The following DPCD variants were observed in gnomAD, a reference collection of about 807,000 sequenced individuals.
DPCD encodes deleted in primary ciliary dyskinesia homolog (mouse), also known as protein DPCD.
DPCD carries 20 observed loss-of-function variants against 26.4 expected under a neutral mutation model. The observed-to-expected ratio is 0.76, with a 90% CI of 0.53 to 1.10. The LOEUF is 1.10. DPCD is among the 50% of genes least tolerant of loss of function. DPCD has a pLI of 0.00. For synonymous variants in DPCD, 97 were observed against 94.2 expected (o/e 1.03, Z -0.17); for missense variants, 202 against 253.9 (o/e 0.80, Z 1.39).
In DPCD at chr10:101,609,503, G is replaced by A. The variant is rs750386141; in HGVS notation, c.*32G>A. 1 of 1,599,120 alleles carries A rather than the reference G, an allele frequency of 6.3e-7. No homozygotes were observed. The highest frequency in any genetic ancestry group is 8.6e-7 in the Non-Finnish European group (1 of 1,169,578). ...CCTGAGCCTTATACCTCCACCACAG[G>A]GGGTGCCGTGAGACTTCAAGGCTTG... On this transcript the variant is annotated 3_prime_UTR_variant, in exon 6 of 6. Transcript: ENST00000370151.
intron 2 of DPCD, among the ~76,000 whole-genome samples, chr10:101,599,810 C>G (rs1441372284): frequency 1.3e-5 from 2 of 152,314 alleles, no homozygotes; most frequent in East Asian, 3.9e-4. Context: ...AGCTGGGCTC[C>G]TCAGGCTGGA....
Position 101,600,888 on chromosome 10 carries a change from G to T in DPCD, c.270+26G>T, listed in dbSNP as rs771159961. 1 of 1,613,742 alleles carries T rather than the reference G, an allele frequency of 6.2e-7. No homozygotes were observed. Among genetic ancestry groups the T allele is most frequent in the Non-Finnish European group, 8.5e-7 (1 of 1,179,922 alleles). ...GTACGTCCATCTGTCCAGGTGTCTT[G>T]CACGGACTGAGGTGGGGGTGGGCTG... On this transcript the variant is annotated intron_variant, in intron 3 of 5. Coordinates refer to ENST00000370151, the MANE Select transcript of DPCD (RefSeq NM_015448.3). This position sits in a 1 kb window ranked among gnomAD's most constrained non-coding sequence, Gnocchi z 4.7.
At chr10:101,599,693 C>T (rs2063678252) in intron 2 of DPCD, among the ~76,000 whole-genome samples, 1 of 152,190 alleles carries the variant, frequency 6.6e-6, no homozygotes, top group African/African-American at 2.4e-5. Context: ...GCTCTCAACT[C>T]CTACCTGGAA....
intron 2 of DPCD, among the ~76,000 whole-genome samples, chr10:101,598,481 T>C (rs2063669256): frequency 6.6e-6 from 1 of 152,158 alleles, no homozygotes; most frequent in Non-Finnish European, 1.5e-5. Context: ...ATTTGTAAGA[T>C]TGTCTCCTTG....
At chr10:101,593,781 G>A (rs1486575596) in intron 1 of DPCD, among the ~76,000 whole-genome samples, 1 of 152,054 alleles carries the variant, frequency 6.6e-6, no homozygotes, top group Non-Finnish European at 1.5e-5. Flanking sequence ...AGTAGAGATG[G>A]GGTTTCACCA....
intron 1 of DPCD, among the ~76,000 whole-genome samples, chr10:101,589,541 G>A (rs1549069): frequency 2.0e-5 from 3 of 152,102 alleles, no homozygotes; most frequent in Non-Finnish European, 4.4e-5. Context: ...TCAGGAGTTC[G>A]AGACCAGCTT....
At chr10:101,608,164 C>T (rs2063745948) in intron 4 of DPCD, among the ~76,000 whole-genome samples, 1 of 152,002 alleles carries the variant, frequency 6.6e-6, no homozygotes, top group South Asian at 2.1e-4. Flanking sequence ...TGATAAGGAC[C>T]ATGTGTGATA....
Position 101,600,716 on chromosome 10 carries a change from C to A in DPCD, c.146-22C>A. On this transcript the variant is annotated intron_variant, in intron 2 of 5. Coordinates refer to ENST00000370151, the MANE Select transcript of DPCD (RefSeq NM_015448.3). The surrounding 1 kb of genome is among the most constrained non-coding windows in gnomAD (Gnocchi z 4.7). ...TCATCCTGATGCTTGCTTCTCATCC[C>A]GATGCTTGCTTCTCTCCCCAGTGAG... is the stretch of plus-strand genomic sequence containing the variant. 6.3e-7 allele frequency: 1 copy of A among 1,586,016 alleles called. No individual in the cohort carries two copies. Among genetic ancestry groups the A allele is most frequent in the Non-Finnish European group, 8.6e-7 (1 of 1,162,574 alleles).
rs576911865 is a variant in DPCD, at chr10:101,600,530, A to C, written c.146-208A>C. ...ATGAGATGCGCTTTGAGGGTTGTCT[A>C]ATGTTGAAATGCTCTACTGAAATTT... On this transcript the variant is annotated intron_variant, in intron 2 of 5. Coordinates refer to ENST00000370151, the MANE Select transcript of DPCD (RefSeq NM_015448.3). The surrounding 1 kb of genome is among the most constrained non-coding windows in gnomAD (Gnocchi z 4.7). Among the ~76,000 whole-genome samples the C allele has an allele frequency of 6.6e-6, 1 of 152,102 alleles. No individual in the cohort carries two copies. Among genetic ancestry groups the C allele is most frequent in the Non-Finnish European group, 1.5e-5 (1 of 68,022 alleles).
chr10:101,593,178 C>T (rs2063624683), intron 1 of DPCD, among the ~76,000 whole-genome samples: 1 of 152,168 alleles, frequency 6.6e-6, no homozygotes, highest in South Asian at 2.1e-4. Context: ...GATGGTCAGG[C>T]AAGACCCCCT....
At chr10:101,590,300 G>A (rs528157841) in intron 1 of DPCD, among the ~76,000 whole-genome samples, 2 of 152,190 alleles carry the variant, frequency 1.3e-5, no homozygotes, top group East Asian at 1.9e-4. Context: ...GAATAAAAAG[G>A]TCCCTTTTCT....
intron 4 of DPCD, among the ~76,000 whole-genome samples, chr10:101,602,699 A>G (rs577566470): frequency 1.3e-5 from 2 of 152,348 alleles, no homozygotes; most frequent in South Asian, 4.1e-4. Context: ...AACAAACTCC[A>G]TGCTTCAGCA....
At position 101,600,891 on chromosome 10, in the gene DPCD, C is replaced by T. The variant is rs377516854; in HGVS notation, c.270+29C>T. 1.1e-4 allele frequency: 185 copies of T among 1,612,146 alleles called. No homozygotes were observed. Among genetic ancestry groups the T allele is most frequent in the African/African-American group, 9.7e-4 (73 of 74,958 alleles). The stretch of plus-strand genomic sequence containing the variant: ...CGTCCATCTGTCCAGGTGTCTTGCA[C>T]GGACTGAGGTGGGGGTGGGCTGTGG... On this transcript the variant is annotated intron_variant, in intron 3 of 5. Coordinates refer to ENST00000370151, the MANE Select transcript of DPCD (RefSeq NM_015448.3). This position sits in a 1 kb window ranked among gnomAD's most constrained non-coding sequence, Gnocchi z 4.7.
chr10:101,605,261 C>T, intron 4 of DPCD: 1 of 1,544,760 alleles, frequency 6.5e-7, no homozygotes, highest in Non-Finnish European at 8.7e-7. Context: ...CCTGCTCCTG[C>T]CTTCAGCCTC....
Position 101,600,851 on chromosome 10 carries a change from A to G in DPCD, c.259A>G (p.Ser87Gly). Residue 87 changes from serine (S) to glycine (G), a missense_variant, in exon 3 of 6, where the codon AGC (serine) becomes GGC (glycine). Ser to Gly is a moderately conservative substitution (Grantham distance 56, BLOSUM62 0). Transcript: ENST00000370151. This position sits in a 1 kb window ranked among gnomAD's most constrained non-coding sequence, Gnocchi z 4.7. ...GNLGPELIKESNANPIFMRKD... is the reference protein window; with the variant it reads ...GNLGPELIKEGNANPIFMRKD... ...CCTGGGGCCTGAACTCATCAAGGAA[A>G]GCAATGCCAATGTACGTCCATCTGT... 1 of 1,614,034 alleles carries G rather than the reference A, an allele frequency of 6.2e-7. No individual in the cohort carries two copies. The highest frequency in any genetic ancestry group is 8.5e-7 in the Non-Finnish European group (1 of 1,179,996).
Position 101,600,514 on chromosome 10 carries a change from G to A in DPCD, c.146-224G>A, listed in dbSNP as rs527656422. Reference sequence around the variant, plus strand: ...TTTTGCCTGAGCACCCATGAGATGCGCTTTGAGGGTTGTCTAATGTTGAAA... The same window carrying A: ...TTTTGCCTGAGCACCCATGAGATGCACTTTGAGGGTTGTCTAATGTTGAAA... On this transcript the variant is annotated intron_variant, in intron 2 of 5. Transcript: ENST00000370151. This position sits in a 1 kb window ranked among gnomAD's most constrained non-coding sequence, Gnocchi z 4.7. Among the ~76,000 whole-genome samples the A allele has an allele frequency of 1.2e-4, 18 of 152,152 alleles. 1 individual carries two copies. The highest frequency in any genetic ancestry group is 1.2e-4 in the Non-Finnish European group (8 of 68,034).
At chr10:101,598,611 C>CTTTTTTTTTTT (rs71016333) in intron 2 of DPCD, among the ~76,000 whole-genome samples, 4 of 74,952 alleles carry the variant, frequency 5.3e-5, no homozygotes, top group Non-Finnish European at 9.7e-5. Context: ...TAGATGCTTT[C>CTTTTTTTTTTT]TTTTTTTTTT....
At chr10:101,609,346 T>C in intron 5 of DPCD, 21 bp from the exon 6 acceptor site, 1 of 1,612,690 alleles carries the variant, frequency 6.2e-7, no homozygotes, top group Non-Finnish European at 8.5e-7. Flanking sequence ...ATTATTTTCT[T>C]ATTCCTGGCT....
Position 101,608,953 on chromosome 10 carries a change from ACTT to A in DPCD, c.507+20_507+22del, listed in dbSNP as rs778520556. On this transcript the variant is annotated intron_variant, in intron 5 of 5. Transcript: ENST00000370151. ...GATCATCTCTGTAAGATTCACCCAG[ACTT>A]CTTGGACACTGCATCAGGGAGAGTC... 1.4e-5 allele frequency: 22 copies of A among 1,588,310 alleles called. No homozygotes were observed. In the Middle Eastern group the frequency reaches 2.3e-3, roughly 168 times the overall value.
Sources: gnomAD v4.1 joint callset for allele counts (sites outside exome capture counted in the v4.1 genomes callset) on GRCh38, gnomAD v4.1.1 for gene constraint, Gnocchi (gnomAD v3.1) non-coding constraint, MANE v1.5 for transcripts, NCBI Gene and HGNC (gene_info 2026-07-23, HGNC 2026-07-21) for gene names.